The following FRY variants were observed in gnomAD, a reference collection of about 807,000 sequenced individuals.
FRY encodes the protein protein furry homolog.
Under a neutral mutation model 348.4 loss-of-function variants are expected in FRY, and 128 were observed. The ratio of observed to expected loss-of-function variants is 0.37; its 90% CI spans 0.32 to 0.43. FRY has a LOEUF of 0.43. Among genes scored for constraint, FRY ranks in the 20% least tolerant of loss-of-function variants. The probability of loss-of-function intolerance (pLI) is 1.00; values close to 1 mark genes in which losing one functional copy is unlikely to be tolerated. For synonymous variants in FRY, 1,370 were observed against 1,374.7 expected, an observed-to-expected ratio of 1.00 and a Z score of 0.08; for missense variants, 2,736 against 3,695.2, an observed-to-expected ratio of 0.74 and a Z score of 6.73.
intron 1 of FRY, among the ~76,000 whole-genome samples, chr13:32,060,247 A>G (rs868580930): frequency 1.3e-5 from 2 of 152,188 alleles, no homozygotes; most frequent in Non-Finnish European, 1.5e-5. Context: ...GTAACTTTGC[A>G]TTTTCCTTCT....
At chr13:32,281,491 A>C (rs895431945) in intron 58 of FRY, among the ~76,000 whole-genome samples, 21 of 152,202 alleles carry the variant, frequency 1.4e-4, no homozygotes, top group Non-Finnish European at 2.2e-4. Context: ...AACACCCAAG[A>C]GGGATGAGAG....
In FRY at chr13:32,178,967, C is replaced by A. The variant is rs780793122; in HGVS notation, c.2805C>A (p.His935Gln). Residue 935 changes from histidine to glutamine, a missense_variant, in exon 22 of 61, where the codon CAC becomes CAA. Physicochemically the swap from His to Gln is conservative, Grantham distance 24. Coordinates refer to ENST00000542859, the MANE Select transcript of FRY (RefSeq NM_023037.3). Reference sequence around the variant, plus strand: ...AACCCAGTATTATGAGCCCAGGACACTTAAGAGCTTCCACTCCAGAAATAA... The same window carrying A: ...AACCCAGTATTATGAGCCCAGGACAATTAAGAGCTTCCACTCCAGAAATAA... Reference protein sequence around the residue: ...VAKPSIMSPGHLRASTPEIMA... With the variant: ...VAKPSIMSPGQLRASTPEIMA... 1 of 1,613,828 alleles carries A rather than the reference C, an allele frequency of 6.2e-7. No homozygotes were observed. The highest frequency in any genetic ancestry group is 8.5e-7 in the Non-Finnish European group (1 of 1,179,762).
chr13:32,063,289 A>G (rs561708807), intron 1 of FRY, among the ~76,000 whole-genome samples: 1 of 152,324 alleles, frequency 6.6e-6, no homozygotes, highest in Non-Finnish European at 1.5e-5. Context: ...TGCAGAAAAC[A>G]TCACCATGGT....
chr13:32,187,465 A>C (rs1430919366), intron 27 of FRY, 81 bp from the exon 28 acceptor site: 1 of 830,254 alleles, frequency 1.2e-6, no homozygotes, highest in African/African-American at 1.7e-5. Flanking sequence ...AATTCTGACA[A>C]TTATGGTTTA....
rs574415179 is a variant in FRY, at chr13:32,234,140, A to G, written c.5528-434A>G. ...TTTCCAAAAAAAAAAAAAAAAAAAA[A>G]GCTTGATGTGGTGGCTCATGCTTGT... On this transcript the variant is annotated intron_variant, in intron 41 of 60. Coordinates refer to ENST00000542859, the MANE Select transcript of FRY (RefSeq NM_023037.3). 4.6e-4 allele frequency among the ~76,000 whole-genome samples: 62 copies of G among 136,242 alleles called. No homozygotes were observed. The East Asian group carries it at 0.013, about 28-fold the overall frequency. The allele number at this position is 136,242 out of a possible 152,430, so 89.4% of individuals were successfully genotyped here. A position where few individuals can be genotyped will look rare whatever the true frequency, so the allele number is the denominator to read the frequency against.
intron 1 of FRY, among the ~76,000 whole-genome samples, chr13:32,068,980 T>C (rs915702768): frequency 6.7e-6 from 1 of 150,348 alleles, no homozygotes; most frequent in Non-Finnish European, 1.5e-5. Context: ...CAGTGGCCTG[T>C]TCTCGGCTCA....
At chr13:32,278,329 T>C in intron 57 of FRY, 136 bp from the exon 58 acceptor site, 1 of 676,742 alleles carries the variant, frequency 1.5e-6, no homozygotes, top group Non-Finnish European at 2.7e-6. Context: ...TACGACCCTT[T>C]TCAAAAAGTC....
rs538681161 is a variant in FRY, at chr13:32,278,095, A to AC, written c.8386-370_8386-369insC. On this transcript the variant is annotated intron_variant, in intron 57 of 60. Coordinates refer to ENST00000542859, the MANE Select transcript of FRY (RefSeq NM_023037.3). ...GTCCAAGTCAGGTCATGTTGACCAGAATCACCCAGCCTGTGAGGAAGTATT... is the reference window on the plus strand; with the variant it reads ...GTCCAAGTCAGGTCATGTTGACCAGACATCACCCAGCCTGTGAGGAAGTATT... Among the ~76,000 whole-genome samples, 4 of 152,326 alleles carry AC rather than the reference A, an allele frequency of 2.6e-5. No homozygotes were observed. In the East Asian group the frequency reaches 7.7e-4, roughly 29 times the overall value.
At chr13:32,292,484 G>A (rs944871598) in intron 59 of FRY, among the ~76,000 whole-genome samples, 2 of 152,088 alleles carry the variant, frequency 1.3e-5, no homozygotes, top group African/African-American at 4.8e-5. Flanking sequence ...TTTCATGAAA[G>A]GAAGAGTCAA....
intron 8 of FRY, among the ~76,000 whole-genome samples, chr13:32,132,444 G>T (rs1168097897): frequency 6.6e-6 from 1 of 152,056 alleles, no homozygotes; most frequent in African/African-American, 2.4e-5. Context: ...AGAGGGTTTA[G>T]ATGTATGGAT....
Position 32,145,590 on chromosome 13 carries a change from TGC to T in FRY, c.1180-1690_1180-1689del, listed in dbSNP as rs529912317. On this transcript the variant is annotated intron_variant, in intron 11 of 60. Transcript: ENST00000542859. ...TCTCGCTCTGTCGCCCAGGCCGGAC[TGC>T]GGACTGCAGTGGTGCAATCTCGGCT... is the stretch of plus-strand genomic sequence containing the variant. Among the ~76,000 whole-genome samples, 255 of 141,606 alleles carry T rather than the reference TGC, an allele frequency of 1.8e-3. 1 individual carries two copies. Among genetic ancestry groups the T allele is most frequent in the African/African-American group, 6.4e-3 (238 of 37,464 alleles). The allele number at this position is 141,606 out of a possible 152,430, so 92.9% of individuals were successfully genotyped here.
chr13:32,276,800 T>C (rs1210479519), intron 57 of FRY, among the ~76,000 whole-genome samples: 1 of 151,790 alleles, frequency 6.6e-6, no homozygotes, highest in Admixed American at 6.6e-5. Context: ...ACCAAGAAAT[T>C]GGAAAAAAAA....
intron 33 of FRY, among the ~76,000 whole-genome samples, chr13:32,210,407 T>C (rs1430361612): frequency 6.6e-6 from 1 of 152,214 alleles, no homozygotes; most frequent in Non-Finnish European, 1.5e-5. Context: ...TGTGGAGCTT[T>C]AATCCAGAGT....
chr13:32,232,521 C>T (rs1593776921), intron 41 of FRY, among the ~76,000 whole-genome samples: 1 of 152,232 alleles, frequency 6.6e-6, no homozygotes, highest in African/African-American at 2.4e-5. Context: ...CAGTTCAGTG[C>T]AGGTGTTTGG....
intron 35 of FRY, among the ~76,000 whole-genome samples, chr13:32,214,999 T>A (rs1039954515): frequency 1.3e-5 from 2 of 152,194 alleles, no homozygotes; most frequent in African/African-American, 4.8e-5. Flanking sequence ...CCGTTCCTAC[T>A]GACAAAAGCA....
intron 14 of FRY, among the ~76,000 whole-genome samples, chr13:32,151,339 T>C (rs1880780083): frequency 6.6e-6 from 1 of 152,252 alleles, no homozygotes; most frequent in African/African-American, 2.4e-5. Context: ...TATTTGGTTA[T>C]CTTCTTCCAT....
At position 32,239,895 on chromosome 13, in the gene FRY, T is replaced by C. The variant is rs747403468; in HGVS notation, c.6687+14T>C. The C allele has an allele frequency of 1.2e-6, 2 of 1,612,202 alleles. No homozygotes were observed. The highest frequency in any genetic ancestry group is 3.3e-5 in the Admixed American group (2 of 59,856). On this transcript the variant is annotated intron_variant, in intron 46 of 60. Transcript: ENST00000542859. The surrounding 1 kb of genome is among the most constrained non-coding windows in gnomAD (Gnocchi z 4.3). ...TACCTGGCAGAGGTAAGCTTTTTTT[T>C]TTTGTTTTTTGAGACAGGGTCTCAT...
chr13:32,253,118 G>A (rs1887166887), intron 50 of FRY, among the ~76,000 whole-genome samples: 1 of 152,202 alleles, frequency 6.6e-6, no homozygotes, highest in Non-Finnish European at 1.5e-5. Flanking sequence ...TTACAAATAA[G>A]AGAAGCAGCA....
intron 2 of FRY, among the ~76,000 whole-genome samples, chr13:32,082,492 C>G (rs1875563762): frequency 6.6e-6 from 1 of 152,228 alleles, no homozygotes; most frequent in Non-Finnish European, 1.5e-5. Flanking sequence ...ATGGGGTCAT[C>G]TGTGTCTCTT....
Sources: gnomAD v4.1 joint callset for allele counts (sites outside exome capture counted in the v4.1 genomes callset) on GRCh38, gnomAD v4.1.1 for gene constraint, Gnocchi (gnomAD v3.1) non-coding constraint, MANE v1.5 for transcripts, NCBI Gene and HGNC (gene_info 2026-07-23, HGNC 2026-07-21) for gene names.